TAF3: variants seen among roughly 807,000 people sequenced by gnomAD.
The protein encoded by TAF3 is TATA-box binding protein associated factor 3, also known as transcription initiation factor TFIID subunit 3.
A neutral mutation model predicts 80.6 loss-of-function variants in TAF3; 7 were observed. The observed-to-expected ratio is 0.09, with a 90% CI of 0.05 to 0.16. The LOEUF is 0.16. Ranked by LOEUF, TAF3 falls within the 10% of genes least tolerant of loss-of-function variation. The pLI is 1.00. For missense variants in TAF3, 921 were observed against 1,140.2 expected (o/e 0.81, Z 2.77); for synonymous variants, 444 against 446.1 (o/e 1.00, Z 0.06).
intron 2 of TAF3, among the ~76,000 whole-genome samples, chr10:7,825,559 A>G (rs1836731514): frequency 6.6e-6 from 1 of 151,598 alleles, no homozygotes; most frequent in Admixed American, 6.6e-5. Context: ...TGTCTATTCT[A>G]GGTACCTTTT....
At chr10:7,886,100 T>G (rs1334860541) in intron 2 of TAF3, among the ~76,000 whole-genome samples, 1 of 151,952 alleles carries the variant, frequency 6.6e-6, no homozygotes, top group African/African-American at 2.4e-5. Flanking sequence ...GGCTAATTGT[T>G]TTTTGTAGAG....
chr10:7,841,217 G>A (rs1836909653), intron 2 of TAF3, among the ~76,000 whole-genome samples: 1 of 152,190 alleles, frequency 6.6e-6, no homozygotes, highest in African/African-American at 2.4e-5. Context: ...GTTATATACT[G>A]ATGGTGTGCC....
At chr10:7,985,758 C>G (rs1831769905) in intron 4 of TAF3, among the ~76,000 whole-genome samples, 1 of 150,458 alleles carries the variant, frequency 6.6e-6, no homozygotes, top group Non-Finnish European at 1.5e-5. Context: ...CTACGCTAGA[C>G]TCAGTCTCTC....
At chr10:7,909,458 C>G (rs1837637093) in intron 2 of TAF3, among the ~76,000 whole-genome samples, 1 of 152,184 alleles carries the variant, frequency 6.6e-6, no homozygotes, top group Non-Finnish European at 1.5e-5. Flanking sequence ...CCAGAAGCTT[C>G]CTTGGACTTC....
At chr10:7,931,874 G>C (rs904049227) in intron 2 of TAF3, among the ~76,000 whole-genome samples, 3 of 152,274 alleles carry the variant, frequency 2.0e-5, no homozygotes, top group African/African-American at 4.8e-5. Context: ...TGGCCTCATG[G>C]ATAAGACAAA....
chr10:7,962,493 T>A (rs1208282069), intron 2 of TAF3, among the ~76,000 whole-genome samples: 2 of 152,192 alleles, frequency 1.3e-5, no homozygotes, highest in Non-Finnish European at 2.9e-5. Context: ...TTTCTGGAAT[T>A]CAAAAGTCCT....
chr10:7,919,725 G>A (rs1031963236), intron 2 of TAF3, among the ~76,000 whole-genome samples: 10 of 152,042 alleles, frequency 6.6e-5, no homozygotes, highest in Non-Finnish European at 1.3e-4. Context: ...TATAAATGCT[G>A]TAGTCTTTAT....
chr10:7,994,190 AC>A (rs1831862059), intron 4 of TAF3, among the ~76,000 whole-genome samples: 1 of 151,972 alleles, frequency 6.6e-6, no homozygotes, highest in South Asian at 2.1e-4. Flanking sequence ...TTTCGACACA[AC>A]CTCATTTGTG....
At chr10:7,949,487 A>G (rs1588562675) in intron 2 of TAF3, among the ~76,000 whole-genome samples, 1 of 152,364 alleles carries the variant, frequency 6.6e-6, no homozygotes, top group East Asian at 1.9e-4. Flanking sequence ...TTCCCTTTGC[A>G]TCGCATTATG....
At chr10:7,967,316 G>A (rs1233776661) in intron 3 of TAF3, among the ~76,000 whole-genome samples, 3 of 152,190 alleles carry the variant, frequency 2.0e-5, no homozygotes, top group Non-Finnish European at 4.4e-5. Context: ...TCTTCACTTT[G>A]GAAAGTCAGT....
intron 2 of TAF3, among the ~76,000 whole-genome samples, chr10:7,865,627 G>A (rs1310960162): frequency 2.6e-5 from 4 of 152,220 alleles, no homozygotes; most frequent in Admixed American, 1.3e-4. Flanking sequence ...TAGCAGCCCC[G>A]GCAGGGTGGA....
intron 4 of TAF3, among the ~76,000 whole-genome samples, chr10:8,002,216 T>G (rs1831951275): frequency 6.6e-6 from 1 of 152,200 alleles, no homozygotes; most frequent in Non-Finnish European, 1.5e-5. Flanking sequence ...GTCCTCACAC[T>G]TCCTGACCTA....
At chr10:7,885,249 GACACAC>G (rs71385678) in intron 2 of TAF3, among the ~76,000 whole-genome samples, 10 of 148,696 alleles carry the variant, frequency 6.7e-5, no homozygotes, top group Admixed American at 3.3e-4. Flanking sequence ...TATAAATTTT[GACACAC>G]ACACACACAC....
intron 2 of TAF3, among the ~76,000 whole-genome samples, chr10:7,876,027 A>C (rs902729609): frequency 4.6e-5 from 7 of 151,616 alleles, no homozygotes; most frequent in Non-Finnish European, 7.4e-5. Flanking sequence ...TAAACTTTTA[A>C]ATTTATATTT....
chr10:7,970,799 G>A (rs149138488), intron 3 of TAF3, among the ~76,000 whole-genome samples: 33 of 152,146 alleles, frequency 2.2e-4, no homozygotes, highest in African/African-American at 6.8e-4. Context: ...AATTTAAACG[G>A]TTTGTTCTTT....
chr10:7,828,639 A>G (rs1394342053), intron 2 of TAF3, among the ~76,000 whole-genome samples: 1 of 151,654 alleles, frequency 6.6e-6, no homozygotes, highest in East Asian at 1.9e-4. Context: ...ACAGCGTACT[A>G]TGCCAAAGTC....
At chr10:7,974,140 A>ACT (rs1491188647) in intron 3 of TAF3, among the ~76,000 whole-genome samples, 4 of 59,062 alleles carry the variant, frequency 6.8e-5, no homozygotes, top group African/African-American at 1.7e-4. Context: ...ACATACACAC[A>ACT]CACACACACA....
intron 4 of TAF3, among the ~76,000 whole-genome samples, chr10:7,986,075 T>A (rs1375672895): frequency 6.6e-6 from 1 of 152,152 alleles, no homozygotes; most frequent in East Asian, 1.9e-4. Context: ...TGAGCCCCCA[T>A]GCCCAGCCTT....
intron 2 of TAF3, among the ~76,000 whole-genome samples, chr10:7,883,974 A>G (rs917759048): frequency 2.0e-5 from 3 of 152,146 alleles, no homozygotes; most frequent in South Asian, 2.1e-4. Context: ...GCATGCTAAC[A>G]TGCTTGCCCA....
Sources: allele counts gnomAD v4.1 joint callset (sites outside exome capture counted in the v4.1 genomes callset), GRCh38; gene constraint gnomAD v4.1.1; transcripts MANE v1.5; gene names NCBI Gene and HGNC (gene_info 2026-07-23, HGNC 2026-07-21).